The following ETV6 variants were observed in gnomAD, a reference collection of about 807,000 sequenced individuals.
The protein encoded by ETV6 is transcription factor ETV6.
A neutral mutation model predicts 51.1 loss-of-function variants in ETV6; 16 were observed. That is an observed-to-expected ratio of 0.31 (90% CI 0.21 to 0.48). The LOEUF (loss-of-function observed/expected upper bound fraction) is 0.48. Among genes scored for constraint, ETV6 ranks in the 20% least tolerant of loss-of-function variants. The probability of loss-of-function intolerance (pLI) is 0.99; values close to 1 mark genes in which losing one functional copy is unlikely to be tolerated. For synonymous variants in ETV6, 240 were observed against 224.1 expected (o/e 1.07, Z -0.64); for missense variants, 458 against 594.8 (o/e 0.77, Z 2.39).
intron 1 of ETV6, among the ~76,000 whole-genome samples, chr12:11,665,041 A>G (rs994359672): frequency 6.6e-6 from 1 of 152,190 alleles, no homozygotes; most frequent in East Asian, 1.9e-4. Flanking sequence ...TCAGGAGGAC[A>G]TGGTCTCGCT....
intron 2 of ETV6, among the ~76,000 whole-genome samples, chr12:11,836,182 T>C (rs925755104): frequency 7.3e-5 from 11 of 150,242 alleles, no homozygotes; most frequent in East Asian, 2.0e-4. Context: ...AGGGGCTTTT[T>C]CCCCCCTCAA....
At chr12:11,847,208 G>C (rs1280711620) in intron 3 of ETV6, among the ~76,000 whole-genome samples, 4 of 152,170 alleles carry the variant, frequency 2.6e-5, no homozygotes, top group African/African-American at 7.2e-5. Context: ...AGAAGGAAGA[G>C]AGGCCTTAAC....
intron 2 of ETV6, among the ~76,000 whole-genome samples, chr12:11,804,910 G>GC (rs1316358108): frequency 6.6e-6 from 1 of 152,108 alleles, no homozygotes; most frequent in Non-Finnish European, 1.5e-5. Flanking sequence ...AATCCTGTGG[G>GC]CTCCTCCTTA....
At chr12:11,791,403 C>T (rs889697605) in intron 2 of ETV6, among the ~76,000 whole-genome samples, 1 of 152,152 alleles carries the variant, frequency 6.6e-6, no homozygotes, top group East Asian at 1.9e-4. Context: ...AATACGTGTT[C>T]ATGTGTATGT....
chr12:11,650,285 G>A, intron 1 of ETV6, 125 bp downstream of exon 1: 1 of 817,392 alleles, frequency 1.2e-6, no homozygotes, highest in South Asian at 1.4e-5. Flanking sequence ...TATTTGGGGC[G>A]AGAGGGAAAG....
At chr12:11,725,370 A>G (rs755051389) in intron 1 of ETV6, among the ~76,000 whole-genome samples, 2 of 152,134 alleles carry the variant, frequency 1.3e-5, no homozygotes, top group Admixed American at 6.6e-5. Flanking sequence ...ATTTGCTTTA[A>G]TAAATTTTGA....
intron 1 of ETV6, among the ~76,000 whole-genome samples, chr12:11,651,406 A>G (rs1027479122): frequency 1.3e-5 from 2 of 152,204 alleles, no homozygotes; most frequent in African/African-American, 4.8e-5. Flanking sequence ...TTATAATTAG[A>G]ATCACATTTT....
At position 11,682,428 on chromosome 12, in the gene ETV6, A is replaced by T. The variant is rs150977868; in HGVS notation, c.33+32268A>T. On this transcript the variant is annotated intron_variant, in intron 1 of 7. Coordinates refer to ENST00000396373, the MANE Select transcript of ETV6 (RefSeq NM_001987.5). ...TAGATGGGGTTGTTTTTTCCTTGTAAATTTGTTTTAAGTTCCTTCTAGATT... is the reference window on the plus strand; with the variant it reads ...TAGATGGGGTTGTTTTTTCCTTGTATATTTGTTTTAAGTTCCTTCTAGATT... 7.3e-3 allele frequency among the ~76,000 whole-genome samples: 1,117 copies of T among 152,034 alleles called. 10 individuals carry two copies. The highest frequency in any genetic ancestry group is 0.025 in the African/African-American group (1,040 of 41,450).
intron 1 of ETV6, among the ~76,000 whole-genome samples, chr12:11,669,365 T>TCCCTC (rs1864261356): frequency 9.9e-6 from 1 of 100,884 alleles, no homozygotes; most frequent in African/African-American, 5.8e-5. Context: ...TGTCCTCCCT[T>TCCCTC]CCTCCCTTCC....
chr12:11,672,671 C>T (rs1004636359), intron 1 of ETV6, among the ~76,000 whole-genome samples: 1 of 152,202 alleles, frequency 6.6e-6, no homozygotes, highest in Non-Finnish European at 1.5e-5. Context: ...TCATGCTGCT[C>T]ATAACAGACG....
In ETV6 at chr12:11,746,624, C is replaced by A. The variant is rs140457983; in HGVS notation, c.34-5826C>A. Among the ~76,000 whole-genome samples, 104 of 152,178 alleles carry A rather than the reference C, an allele frequency of 6.8e-4. 1 individual carries two copies. In the East Asian group the frequency reaches 0.016, roughly 24 times the overall value. On this transcript the variant is annotated intron_variant, in intron 1 of 7. Coordinates refer to ENST00000396373, the MANE Select transcript of ETV6 (RefSeq NM_001987.5). ...AAATATTGAGACCATCCTGGAAATTCTAGGATGTATGATTGCATAATTTGT... is the reference window on the plus strand; with the variant it reads ...AAATATTGAGACCATCCTGGAAATTATAGGATGTATGATTGCATAATTTGT...
chr12:11,777,064 C>T (rs998851347), intron 2 of ETV6, among the ~76,000 whole-genome samples: 2 of 152,004 alleles, frequency 1.3e-5, no homozygotes, highest in African/African-American at 4.8e-5. Flanking sequence ...CAGTGAAACC[C>T]CGTCTCTGCT....
At chr12:11,726,395 C>T (rs988817719) in intron 1 of ETV6, among the ~76,000 whole-genome samples, 1 of 152,132 alleles carries the variant, frequency 6.6e-6, no homozygotes, top group East Asian at 1.9e-4. Flanking sequence ...ACCCACTATG[C>T]ACTTAGCTCA....
intron 2 of ETV6, among the ~76,000 whole-genome samples, chr12:11,777,164 T>C (rs935341927): frequency 7.5e-6 from 1 of 132,868 alleles, no homozygotes; most frequent in Non-Finnish European, 1.5e-5. Context: ...GGCGTGAACC[T>C]GGGAGGCGGA....
intron 1 of ETV6, among the ~76,000 whole-genome samples, chr12:11,693,419 T>C (rs533197798): frequency 3.2e-4 from 48 of 152,286 alleles, no homozygotes; most frequent in African/African-American, 1.1e-3. Flanking sequence ...AATAGTCATC[T>C]GGGTCTGTGC....
At chr12:11,888,862 A>G (rs1452287209) in intron 7 of ETV6, among the ~76,000 whole-genome samples, 1 of 152,152 alleles carries the variant, frequency 6.6e-6, no homozygotes, top group African/African-American at 2.4e-5. Context: ...TATATTTTGA[A>G]TACAGGTTGA....
At position 11,707,452 on chromosome 12, in the gene ETV6, C is replaced by T. The variant is rs1865093537; in HGVS notation, c.34-44998C>T. On this transcript the variant is annotated intron_variant, in intron 1 of 7. Coordinates refer to ENST00000396373, the MANE Select transcript of ETV6 (RefSeq NM_001987.5). ...GTTGTGCACTGCGTTTCCATCGATCCCTTTCATGCTCCCACTTGTTCCTTT... is the reference window on the plus strand; with the variant it reads ...GTTGTGCACTGCGTTTCCATCGATCTCTTTCATGCTCCCACTTGTTCCTTT... Among the ~76,000 whole-genome samples, 4 of 152,160 alleles carry T rather than the reference C, an allele frequency of 2.6e-5. No individual in the cohort carries two copies. In the South Asian group the frequency reaches 8.3e-4, roughly 32 times the overall value.
intron 2 of ETV6, among the ~76,000 whole-genome samples, chr12:11,800,524 C>A (rs149181097): frequency 6.6e-6 from 1 of 152,058 alleles, no homozygotes; most frequent in East Asian, 1.9e-4. Flanking sequence ...TCCCATCTAA[C>A]TGACGTTTTG....
intron 1 of ETV6, among the ~76,000 whole-genome samples, chr12:11,685,435 C>G (rs750777810): frequency 2.8e-4 from 43 of 152,174 alleles, no homozygotes; most frequent in Non-Finnish European, 5.1e-4. Context: ...TAACAGAGCT[C>G]TATTTTCTGC....
Sources: gnomAD v4.1 joint callset for allele counts (sites outside exome capture counted in the v4.1 genomes callset) on GRCh38, gnomAD v4.1.1 for gene constraint, MANE v1.5 for transcripts, NCBI Gene and HGNC (gene_info 2026-07-23, HGNC 2026-07-21) for gene names.